The following C5 variants were observed in gnomAD, a reference collection of about 807,000 sequenced individuals.
The protein encoded by C5 is complement C5, also known as C3 and PZP-like alpha-2-macroglobulin domain-containing protein 4.
C5 carries 140 observed loss-of-function variants against 218.8 expected under a neutral mutation model. The observed-to-expected ratio is 0.64, with a 90% confidence interval of 0.56 to 0.74. The LOEUF (loss-of-function observed/expected upper bound fraction) is 0.74. Among genes scored for constraint, C5 ranks in the 30% least tolerant of loss-of-function variants. The pLI is 0.00. For synonymous variants in C5, 614 were observed against 682.3 expected, an observed-to-expected ratio of 0.90 and a Z score of 1.56; for missense variants, 1,700 against 1,969.6, an observed-to-expected ratio of 0.86 and a Z score of 2.59.
chr9:121,070,500 C>CAT, the C5 span, among the ~76,000 whole-genome samples: 9 of 132,634 alleles, frequency 6.8e-5, no homozygotes, highest in South Asian at 2.3e-4. Flanking sequence ...TGTGCGTATT[C>CAT]ATATATATAT....
At chr9:120,985,255 C>T (rs774503098) in intron 25 of C5, among the ~76,000 whole-genome samples, 38 of 152,122 alleles carry the variant, frequency 2.5e-4, no homozygotes, top group Non-Finnish European at 4.9e-4. Flanking sequence ...ATTTGATTTG[C>T]TTTTGTTCCA....
intron 34 of C5, among the ~76,000 whole-genome samples, chr9:120,963,192 A>C (rs2046840521): frequency 6.6e-6 from 1 of 152,188 alleles, no homozygotes; most frequent in South Asian, 2.1e-4. Flanking sequence ...ATCAAAACTT[A>C]GGTTAATTAT....
Position 120,962,777 on chromosome 9 carries a change from C to A in C5, c.4399-1G>T. The A allele has an allele frequency of 6.2e-7, 1 of 1,611,590 alleles. No homozygotes were observed. Among genetic ancestry groups the A allele is most frequent in the Non-Finnish European group, 8.5e-7 (1 of 1,177,752 alleles). On this transcript the variant is annotated splice_acceptor_variant, in intron 35 of 40. Coordinates refer to ENST00000223642, the MANE Select transcript of C5 (RefSeq NM_001735.3). LOFTEE classifies it high-confidence loss of function. ...CACAAAGGAAATCACTGGAGGGAAT[C>A]TGTTTAACAAATTCAAGGATTTAAG...
rs2047367882 is a variant in C5, at chr9:121,021,740, A to T, written c.1117-46T>A. The T allele has an allele frequency of 2.1e-6, 3 of 1,399,298 alleles. No individual in the cohort carries two copies. The East Asian group carries it at 6.8e-5, about 32-fold the overall frequency. The allele number at this position is 1,399,298 out of a possible 1,614,324, so 86.7% of individuals were successfully genotyped here. A position where few individuals can be genotyped will look rare whatever the true frequency, so the allele number is the denominator to read the frequency against. ...AATCTATTTCAACAGCTCATCACTT[A>T]TTTTAAAGCACAATTCTGAAATAAT... On this transcript the variant is annotated intron_variant, in intron 10 of 40. Coordinates refer to ENST00000223642, the MANE Select transcript of C5 (RefSeq NM_001735.3).
intron 39 of C5, among the ~76,000 whole-genome samples, chr9:120,954,577 C>T (rs2046771219): frequency 1.3e-5 from 2 of 152,198 alleles, no homozygotes; most frequent in South Asian, 4.1e-4. Context: ...CTCTTTTACA[C>T]TTGAATTTCT....
chr9:121,056,512 G>T, the C5 span, among the ~76,000 whole-genome samples: 1 of 152,040 alleles, frequency 6.6e-6, no homozygotes, highest in African/African-American at 2.4e-5. Context: ...TTGTGACTAC[G>T]TATTATTTTA....
chr9:121,065,103 A>C, the C5 span, among the ~76,000 whole-genome samples: 1 of 152,088 alleles, frequency 6.6e-6, no homozygotes, highest in African/African-American at 2.4e-5. Context: ...GAAAGTATAA[A>C]GTTAAATTTA....
intron 19 of C5, among the ~76,000 whole-genome samples, chr9:121,006,354 A>G (rs191975214): frequency 1.3e-3 from 203 of 152,362 alleles, no homozygotes; most frequent in Admixed American, 3.3e-3. Context: ...TATTGGCTCC[A>G]TGTTTAATGA....
intron 20 of C5, among the ~76,000 whole-genome samples, chr9:121,002,459 A>T (rs2047180963): frequency 6.6e-6 from 1 of 151,132 alleles, no homozygotes; most frequent in Non-Finnish European, 1.5e-5. Context: ...TGCCTTACCC[A>T]TCTGTTATGG....
At chr9:121,031,204 C>A (rs1052803836) in intron 6 of C5, among the ~76,000 whole-genome samples, 3 of 151,906 alleles carry the variant, frequency 2.0e-5, no homozygotes, top group African/African-American at 7.3e-5. Flanking sequence ...GATAGCAGAG[C>A]ACACAGAAAT....
the C5 span, among the ~76,000 whole-genome samples, chr9:121,065,413 C>T: frequency 1.3e-5 from 2 of 152,186 alleles, no homozygotes; most frequent in African/African-American, 4.8e-5. Context: ...GTGGCAGGGC[C>T]AAGGGCTTTT....
chr9:121,049,571 T>C (rs371478445), intron 1 of C5, among the ~76,000 whole-genome samples: 22 of 152,340 alleles, frequency 1.4e-4, no homozygotes, highest in African/African-American at 5.1e-4. Flanking sequence ...TGACCTTTGG[T>C]CAGTCACTTC....
the C5 span, among the ~76,000 whole-genome samples, chr9:121,056,190 C>G: frequency 6.6e-6 from 1 of 152,108 alleles, no homozygotes; most frequent in Non-Finnish European, 1.5e-5. Flanking sequence ...TCTTCAAGGC[C>G]CAGACATGGA....
rs1253147807 is a variant in C5 at position 121,017,847 on chromosome 9, T to C, written c.1512A>G (p.Leu504=). The C allele has an allele frequency of 6.2e-7, 1 of 1,601,668 alleles. No individual in the cohort carries two copies. Among genetic ancestry groups the C allele is most frequent in the African/African-American group, 1.3e-5 (1 of 74,646 alleles). The change falls in exon 13 of 41, where the codon TTA becomes TTG. Residue 504 remains leucine, a synonymous_variant. Coordinates refer to ENST00000223642, the MANE Select transcript of C5 (RefSeq NM_001735.3). ...DKITHYNYLI[L]SKGKIIHFGT... The stretch of plus-strand genomic sequence containing the variant: ...CAAAGTGGATAATTTTGCCCTTGGA[T>C]AAAATCTAAAAATAAACAGCAGCAG...
the C5 span, among the ~76,000 whole-genome samples, chr9:121,070,440 G>C: frequency 8.0e-6 from 1 of 125,224 alleles, no homozygotes; most frequent in Non-Finnish European, 1.6e-5. Flanking sequence ...TGTATATTCT[G>C]TATGTGTATA....
chr9:120,967,613 A>G (rs2046878467), intron 33 of C5, among the ~76,000 whole-genome samples: 1 of 152,198 alleles, frequency 6.6e-6, no homozygotes, highest in Non-Finnish European at 1.5e-5. Context: ...AAGAACAGGG[A>G]AGAAGTCTGT....
intron 39 of C5, among the ~76,000 whole-genome samples, chr9:120,954,271 G>A (rs41313631): frequency 1.2e-3 from 185 of 152,272 alleles, no homozygotes; most frequent in Non-Finnish European, 2.0e-3. Context: ...CCTCTCTACA[G>A]TTGAACAACA....
At chr9:120,956,547 G>C (rs958128393) in intron 39 of C5, among the ~76,000 whole-genome samples, 3 of 151,810 alleles carry the variant, frequency 2.0e-5, no homozygotes, top group Non-Finnish European at 4.4e-5. Context: ...CATAAAATTA[G>C]AAAAAAACAT....
At position 120,952,703 on chromosome 9, in the gene C5, T is replaced by C. The variant is rs201100938; in HGVS notation, c.*36A>G. 5.0e-5 allele frequency: 81 copies of C among 1,608,246 alleles called. No homozygotes were observed. Among genetic ancestry groups the C allele is most frequent in the Non-Finnish European group, 6.0e-5 (71 of 1,177,172 alleles). On this transcript the variant is annotated 3_prime_UTR_variant, in exon 41 of 41. Transcript: ENST00000223642. ...AACGAACTTCAACAACAGGAGTCCA[T>C]AAGTGCAAACTGTATGCAGCTGAAC...
Sources: gnomAD v4.1 joint callset for allele counts (sites outside exome capture counted in the v4.1 genomes callset) on GRCh38, gnomAD v4.1.1 for gene constraint, MANE v1.5 for transcripts, NCBI Gene and HGNC (gene_info 2026-07-23, HGNC 2026-07-21) for gene names.